RNF146: variants seen among roughly 807,000 people sequenced by gnomAD.
RNF146 encodes the protein E3 ubiquitin-protein ligase RNF146.
RNF146 carries 11 observed loss-of-function variants against 29.7 expected under a neutral mutation model. The observed-to-expected ratio is 0.37, with a 90% confidence interval of 0.23 to 0.61. RNF146 has a LOEUF of 0.61. Ranked by LOEUF, RNF146 falls within the 20% of genes least tolerant of loss-of-function variation. RNF146 has a pLI of 0.66. For synonymous variants in RNF146, 150 were observed against 159.7 expected (o/e 0.94, Z 0.46); for missense variants, 342 against 438.9 (o/e 0.78, Z 1.97).
chr6:127,279,798 C>T (rs1417590176), intron 1 of RNF146, among the ~76,000 whole-genome samples: 1 of 151,748 alleles, frequency 6.6e-6, no homozygotes, highest in African/African-American at 2.4e-5. Context: ...AGTCCTTCAC[C>T]TCCTGGGTTA....
intron 1 of RNF146, among the ~76,000 whole-genome samples, chr6:127,279,727 G>A (rs959219301): frequency 1.3e-5 from 2 of 151,784 alleles, no homozygotes; most frequent in Non-Finnish European, 2.9e-5. Flanking sequence ...TACATCACTT[G>A]TCTATTTACT....
In RNF146 at chr6:127,287,778, A is replaced by C. The variant is rs572382918; in HGVS notation, c.*85A>C. 2.0e-4 allele frequency: 169 copies of C among 840,534 alleles called. No individual in the cohort carries two copies. In the African/African-American group the frequency reaches 2.7e-3, roughly 13 times the overall value. The allele number at this position is 840,534 out of a possible 1,614,324, so 52.1% of individuals were successfully genotyped here. ...ACATAACATTATACTCATCCCTAGT[A>C]GTGCATTTTGGGAGTTGGGGTGGGA... On this transcript the variant is annotated 3_prime_UTR_variant, in exon 3 of 3. Coordinates refer to ENST00000368314, the MANE Select transcript of RNF146 (RefSeq NM_001242850.2).
chr6:127,284,834 G>A (rs575504981), intron 2 of RNF146, among the ~76,000 whole-genome samples: 8 of 151,802 alleles, frequency 5.3e-5, no homozygotes, highest in African/African-American at 1.4e-4. Flanking sequence ...CTTTGAAAGC[G>A]GCCTAACACA....
chr6:127,275,188 G>A (rs1262427706), intron 1 of RNF146, among the ~76,000 whole-genome samples: 1 of 151,996 alleles, frequency 6.6e-6, no homozygotes, highest in Non-Finnish European at 1.5e-5. Flanking sequence ...ACCCATCTTG[G>A]TTTATGCTTA....
In RNF146 at chr6:127,286,493, C is replaced by T. The variant is rs1386436245; in HGVS notation, c.3-123C>T. ...TCCTCTACTTTCATCTTCATATCCC[C>T]ATTGTCTAGTATGTGGCTTGCATAT... On this transcript the variant is annotated intron_variant, in intron 2 of 2. Coordinates refer to ENST00000368314, the MANE Select transcript of RNF146 (RefSeq NM_001242850.2). This position sits in a 1 kb window ranked among gnomAD's most constrained non-coding sequence, Gnocchi z 4.6. 1.1e-6 allele frequency: 1 copy of T among 932,038 alleles called. No individual in the cohort carries two copies. The highest frequency in any genetic ancestry group is 1.7e-5 in the African/African-American group (1 of 59,612). The allele number at this position is 932,038 out of a possible 1,614,324, so 57.7% of individuals were successfully genotyped here.
chr6:127,271,540 A>G (rs952070347), intron 1 of RNF146, among the ~76,000 whole-genome samples: 1 of 152,196 alleles, frequency 6.6e-6, no homozygotes, highest in Admixed American at 6.5e-5. Context: ...TTTGTATTTA[A>G]CAAGATTAAT....
At chr6:127,285,415 CAGAG>C in intron 2 of RNF146, 1 of 797,406 alleles carries the variant, frequency 1.3e-6, no homozygotes, top group Non-Finnish European at 1.5e-6. Flanking sequence ...AATTAGCTGG[CAGAG>C]AGATTGTCAT....
chr6:127,286,309 G>A lies in RNF146; in HGVS notation c.3-307G>A, dbSNP rs1582902810. On this transcript the variant is annotated intron_variant, in intron 2 of 2. Transcript: ENST00000368314. This position sits in a 1 kb window ranked among gnomAD's most constrained non-coding sequence, Gnocchi z 4.6. ...TGTATAATAGCTGCCATGATTCAAG[G>A]TATCCTTTTCCCCTCACTGGATGCA... 7.0e-6 allele frequency: 5 copies of A among 713,622 alleles called. 1 individual carries two copies. In the East Asian group the frequency reaches 1.3e-4, roughly 18 times the overall value. The allele number at this position is 713,622 out of a possible 1,614,324, so 44.2% of individuals were successfully genotyped here. A position where few individuals can be genotyped will look rare whatever the true frequency, so the allele number is the denominator to read the frequency against.
rs765449163 is a variant in RNF146, at chr6:127,287,223, G to T, written c.610G>T (p.Val204Leu). Residue 204 changes from valine (V) to leucine (L), a missense_variant, in exon 3 of 3, where the codon GTA becomes TTA. Val to Leu is a conservative substitution (Grantham distance 32). Transcript: ENST00000368314. ...RESSADGADSVSAQSGASVQP... is the reference protein window; with the variant it reads ...RESSADGADSLSAQSGASVQP... ...GAGCTCTGCTGACGGAGCGGACAGT[G>T]TATCAGCACAGAGTGGAGCTTCTGT... 3 of 1,613,422 alleles carry T rather than the reference G, an allele frequency of 1.9e-6. No individual in the cohort carries two copies. Among genetic ancestry groups the T allele is most frequent in the Middle Eastern group, 1.7e-4 (1 of 6,052 alleles).
At chr6:127,279,356 A>C (rs1156246202) in intron 1 of RNF146, among the ~76,000 whole-genome samples, 1 of 151,848 alleles carries the variant, frequency 6.6e-6, no homozygotes, top group Non-Finnish European at 1.5e-5. Context: ...AGTTGTCCCA[A>C]CAACATTAGT....
rs185202954 is a variant in RNF146 at position 127,267,896 on chromosome 6, A to G, written c.-109+971A>G. On this transcript the variant is annotated intron_variant, in intron 1 of 2. Transcript: ENST00000368314. ...CGCTATTTATTTTGCTAAGGCTTCTAAAGAATGTAAAATTGTTTTAAGAGT... is the reference window on the plus strand; with the variant it reads ...CGCTATTTATTTTGCTAAGGCTTCTGAAGAATGTAAAATTGTTTTAAGAGT... Among the ~76,000 whole-genome samples, 17 of 152,296 alleles carry G rather than the reference A, an allele frequency of 1.1e-4. No homozygotes were observed. In the East Asian group the frequency reaches 3.3e-3, roughly 29 times the overall value.
intron 1 of RNF146, among the ~76,000 whole-genome samples, chr6:127,273,672 T>C (rs1470757517): frequency 1.3e-5 from 2 of 152,070 alleles, no homozygotes; most frequent in African/African-American, 4.8e-5. Flanking sequence ...GTCAAAGATC[T>C]TTAAAGAAAG....
At chr6:127,267,307 G>A (rs987153063) in intron 1 of RNF146, among the ~76,000 whole-genome samples, 1 of 152,188 alleles carries the variant, frequency 6.6e-6, no homozygotes, top group Non-Finnish European at 1.5e-5. Flanking sequence ...GCGGAGCAGC[G>A]GCCATTACTG....
At chr6:127,276,375 TGGG>T (rs1275207912) in intron 1 of RNF146, among the ~76,000 whole-genome samples, 1 of 151,454 alleles carries the variant, frequency 6.6e-6, no homozygotes, top group Non-Finnish European at 1.5e-5. Flanking sequence ...TTGGTTGGGG[TGGG>T]GGAGCAGGGG....
In RNF146 at chr6:127,279,690, T is replaced by A. The variant is rs540538486; in HGVS notation, c.-108-541T>A. ...TAGATCACTTTGGGTAGTATTGTCA[T>A]TTTAATATGTTAAGTCTTCCAATCC... On this transcript the variant is annotated intron_variant, in intron 1 of 2. Transcript: ENST00000368314. 1.1e-4 allele frequency among the ~76,000 whole-genome samples: 17 copies of A among 152,012 alleles called. 1 individual carries two copies. The highest frequency in any genetic ancestry group is 4.1e-4 in the African/African-American group (17 of 41,542).
At chr6:127,279,399 T>G (rs1443484001) in intron 1 of RNF146, among the ~76,000 whole-genome samples, 1 of 151,900 alleles carries the variant, frequency 6.6e-6, no homozygotes, top group African/African-American at 2.4e-5. Flanking sequence ...TTGAGTAGAC[T>G]TGACACCCTT....
intron 1 of RNF146, among the ~76,000 whole-genome samples, chr6:127,275,663 G>C (rs565436907): frequency 6.6e-6 from 1 of 152,064 alleles, no homozygotes; most frequent in Non-Finnish European, 1.5e-5. Flanking sequence ...ACAAAACATA[G>C]AGGAGAGAAC....
chr6:127,272,456 A>T (rs897898776), intron 1 of RNF146, among the ~76,000 whole-genome samples: 3 of 152,136 alleles, frequency 2.0e-5, no homozygotes, highest in Admixed American at 2.0e-4. Flanking sequence ...AAAATTATTC[A>T]TGAGGATATA....
intron 2 of RNF146, among the ~76,000 whole-genome samples, chr6:127,285,529 C>CTTTTTTTTT (rs10669927): frequency 1.5e-5 from 2 of 130,000 alleles, no homozygotes; most frequent in Non-Finnish European, 3.2e-5. Flanking sequence ...TTTAAAATGT[C>CTTTTTTTTT]TTTTTTTTTT....
Sources: allele counts gnomAD v4.1 joint callset (sites outside exome capture counted in the v4.1 genomes callset), GRCh38; gene constraint gnomAD v4.1.1; non-coding constraint Gnocchi (gnomAD v3.1); transcripts MANE v1.5; gene names NCBI Gene and HGNC (gene_info 2026-07-23, HGNC 2026-07-21).